Variants in ARV1 observed in about 807,000 individuals in gnomAD.
ARV1 encodes the protein ARV1 fatty acid homeostasis modulator.
Under a neutral mutation model 31.1 loss-of-function variants are expected in ARV1, and 26 were observed. The observed-to-expected ratio is 0.84, with a 90% CI of 0.61 to 1.16. The LOEUF (loss-of-function observed/expected upper bound fraction) is 1.16, where lower values mean the gene tolerates loss of function less well. Ranked by LOEUF, ARV1 falls within the 50% of genes most tolerant of loss-of-function variation. ARV1 has a pLI of 0.00. For synonymous variants in ARV1, 117 were observed against 123.2 expected, an observed-to-expected ratio of 0.95 and a Z score of 0.34; for missense variants, 281 against 324.9, an observed-to-expected ratio of 0.86 and a Z score of 1.04.
In ARV1 at chr1:230,995,865, TATC is replaced by T. The variant is rs763998702; in HGVS notation, c.555_557del (p.Leu185_Ser186delinsPhe). The T allele has an allele frequency of 1.2e-6, 2 of 1,614,160 alleles. No individual in the cohort carries two copies. The highest frequency in any genetic ancestry group is 2.2e-5 in the South Asian group (2 of 91,086). On this transcript the variant is annotated inframe_deletion, in exon 4 of 6. Transcript: ENST00000310256. Reference sequence around the variant, plus strand: ...ATTTTGCTGCTGAAAGCATTATTATTATCTAGCTACGGAAAACTCTTGCTGATT... The same window carrying T: ...ATTTTGCTGCTGAAAGCATTATTATTTAGCTACGGAAAACTCTTGCTGATT...
intron 1 of ARV1, among the ~76,000 whole-genome samples, chr1:230,980,251 C>T (rs181894462): frequency 4.3e-4 from 65 of 152,250 alleles, no homozygotes; most frequent in Middle Eastern, 6.8e-3. Context: ...TGCAGCAGTA[C>T]GTTGCTGGGG....
chr1:230,984,830 G>A (rs568275046), intron 1 of ARV1, among the ~76,000 whole-genome samples: 11 of 152,292 alleles, frequency 7.2e-5, no homozygotes, highest in African/African-American at 9.6e-5. Context: ...GGTCTATGCC[G>A]GACACGAACT....
At chr1:230,988,277 A>G in intron 1 of ARV1, 43 bp from the exon 2 acceptor site, 1 of 1,542,682 alleles carries the variant, frequency 6.5e-7, no homozygotes, top group South Asian at 1.2e-5. Flanking sequence ...GATTTCAGAA[A>G]GTATACATTT....
At chr1:230,979,355 C>T in intron 1 of ARV1, 76 bp downstream of exon 1, 1 of 1,524,182 alleles carries the variant, frequency 6.6e-7, no homozygotes, top group East Asian at 2.3e-5. Context: ...GAGCAGGGTC[C>T]TCTGATACAG....
chr1:230,983,377 C>G (rs1050879554), intron 1 of ARV1, among the ~76,000 whole-genome samples: 20 of 146,668 alleles, frequency 1.4e-4, no homozygotes, highest in Admixed American at 5.5e-4. Flanking sequence ...TGCGCCACTG[C>G]ACTCCAGCCT....
At chr1:230,995,618 GAAA>G (rs970848957) in intron 3 of ARV1, 139 bp from the exon 4 acceptor site, 21 of 628,002 alleles carry the variant, frequency 3.3e-5, no homozygotes, top group Non-Finnish European at 5.2e-5. Flanking sequence ...AAAAGAAGAA[GAAA>G]AAGAGATTGT....
chr1:230,985,192 C>G lies in ARV1; in HGVS notation c.175-3128C>G, dbSNP rs533213551. Among the ~76,000 whole-genome samples the G allele has an allele frequency of 4.6e-5, 7 of 151,908 alleles. No homozygotes were observed. The South Asian group carries it at 1.5e-3, about 32-fold the overall frequency. ...GAACCAGCAAACTTTAATGACTTCT[C>G]AGCATTTATAAAACATGCCGAATGC... On this transcript the variant is annotated intron_variant, in intron 1 of 5. Coordinates refer to ENST00000310256, the MANE Select transcript of ARV1 (RefSeq NM_022786.3).
chr1:230,979,170 C>T lies in ARV1; in HGVS notation c.65C>T (p.Thr22Ile), dbSNP rs915046222. Residue 22 changes from threonine to isoleucine, a missense_variant, in exon 1 of 6, where the codon ACT becomes ATT. Physicochemically the swap from Thr to Ile is moderately conservative, Grantham distance 89 (BLOSUM62 -1). Coordinates refer to ENST00000310256, the MANE Select transcript of ARV1 (RefSeq NM_022786.3). ...GGGAACGTGGATGGGGTGGCAGCGA[C>T]TCCTACTGCTGCCTCGGCCTCCTGC... The part of the protein sequence containing the change: ...GKGNVDGVAA[T>I]PTAASASCQY... 1 of 1,613,156 alleles carries T rather than the reference C, an allele frequency of 6.2e-7. No homozygotes were observed. Among genetic ancestry groups the T allele is most frequent in the East Asian group, 2.2e-5 (1 of 44,804 alleles).
At chr1:230,982,357 G>A (rs1481651408) in intron 1 of ARV1, among the ~76,000 whole-genome samples, 1 of 152,198 alleles carries the variant, frequency 6.6e-6, no homozygotes, top group Admixed American at 6.5e-5. Flanking sequence ...AGAAAAGCTG[G>A]TATTTGTATA....
Position 230,985,061 on chromosome 1 carries a change from C to T in ARV1, c.175-3259C>T, listed in dbSNP as rs544453570. 6.0e-3 allele frequency among the ~76,000 whole-genome samples: 901 copies of T among 150,406 alleles called. 12 individuals carry two copies. Among genetic ancestry groups the T allele is most frequent in the African/African-American group, 0.02 (811 of 41,106 alleles). On this transcript the variant is annotated intron_variant, in intron 1 of 5. Transcript: ENST00000310256. ...GCCTTCCCAGCTAGAGAGAGTCTTA[C>T]TTACATGAGAAGCAAAGCTAGGTGA...
intron 1 of ARV1, among the ~76,000 whole-genome samples, chr1:230,984,365 T>TGTGTGTGTGTGTGTGTGC (rs1553303961): frequency 3.5e-4 from 25 of 71,404 alleles, no homozygotes; most frequent in Non-Finnish European, 6.2e-4. Context: ...TGTGTGTGCG[T>TGTGTGTGTGTGTGTGTGC]GTGTGTGTGT....
intron 1 of ARV1, among the ~76,000 whole-genome samples, chr1:230,985,202 A>G (rs914903374): frequency 6.6e-6 from 1 of 151,956 alleles, no homozygotes; most frequent in African/African-American, 2.4e-5. Flanking sequence ...CAGCATTTAT[A>G]AAACATGCCG....
intron 5 of ARV1, among the ~76,000 whole-genome samples, chr1:230,998,522 G>T (rs1679434024): frequency 6.6e-6 from 1 of 152,114 alleles, no homozygotes; most frequent in South Asian, 2.1e-4. Flanking sequence ...CAGAACAGTT[G>T]ATGTAAGCCT....
intron 1 of ARV1, 136 bp from the exon 2 acceptor site, chr1:230,988,184 T>A: frequency 1.5e-6 from 1 of 672,980 alleles, no homozygotes; most frequent in Non-Finnish European, 2.5e-6. Context: ...TGTATCTGAA[T>A]GGAAGTTTAT....
chr1:230,997,103 C>CT lies in ARV1; in HGVS notation c.674-17dup. The CT allele has an allele frequency of 6.2e-7, 1 of 1,610,024 alleles. No homozygotes were observed. Among genetic ancestry groups the CT allele is most frequent in the Non-Finnish European group, 8.5e-7 (1 of 1,178,590 alleles). ...GTTTCATTAATTCTGAACTTATTGG[C>CT]TGCCTTCTCCTTTCCAGTGACCCTA... On this transcript the variant is annotated splice_polypyrimidine_tract_variant and intron_variant, in intron 4 of 5. Transcript: ENST00000310256.
chr1:230,990,985 T>C lies in ARV1; in HGVS notation c.448+722T>C, dbSNP rs890583586. On this transcript the variant is annotated intron_variant, in intron 3 of 5. Coordinates refer to ENST00000310256, the MANE Select transcript of ARV1 (RefSeq NM_022786.3). ...ACCCAATGTATTGTACTAATTGCAT[T>C]ATACTAATGCAGTGTATTTAATAGG... Among the ~76,000 whole-genome samples, 4 of 152,246 alleles carry C rather than the reference T, an allele frequency of 2.6e-5. No homozygotes were observed. In the South Asian group the frequency reaches 8.3e-4, roughly 31 times the overall value.
chr1:230,990,354 A>G, intron 3 of ARV1, 91 bp downstream of exon 3: 2 of 1,501,468 alleles, frequency 1.3e-6, no homozygotes, highest in Non-Finnish European at 1.8e-6. Context: ...AATTGTTGGT[A>G]AGAAGAGCTA....
chr1:230,991,832 G>T (rs1203457602), intron 3 of ARV1, among the ~76,000 whole-genome samples: 1 of 152,008 alleles, frequency 6.6e-6, no homozygotes, highest in Non-Finnish European at 1.5e-5. Flanking sequence ...GCTTCACCAT[G>T]TTGGTCAGGC....
At chr1:230,992,183 C>T (rs1018565663) in intron 3 of ARV1, among the ~76,000 whole-genome samples, 1 of 152,184 alleles carries the variant, frequency 6.6e-6, no homozygotes. Flanking sequence ...GGGCCTTGTA[C>T]TGGAATCTGC....
Sources: gnomAD v4.1 joint callset for allele counts (sites outside exome capture counted in the v4.1 genomes callset) on GRCh38, gnomAD v4.1.1 for gene constraint, MANE v1.5 for transcripts, NCBI Gene and HGNC (gene_info 2026-07-23, HGNC 2026-07-21) for gene names.